The following ADAMTSL3 variants were observed in gnomAD, a reference collection of about 807,000 sequenced individuals.
ADAMTSL3 encodes the protein ADAMTS like 3.
Under a neutral mutation model 201.7 loss-of-function variants are expected in ADAMTSL3, and 128 were observed. That is an observed-to-expected ratio of 0.63 (90% CI 0.55 to 0.73). ADAMTSL3 has a LOEUF of 0.73. ADAMTSL3 is among the 30% of genes least tolerant of loss of function. The pLI is 0.00. For missense variants in ADAMTSL3, 1,990 were observed against 2,119.6 expected (o/e 0.94, Z 1.20); for synonymous variants, 738 against 748.4 (o/e 0.99, Z 0.23).
At chr15:83,991,470 G>C (rs2067581986) in intron 23 of ADAMTSL3, among the ~76,000 whole-genome samples, 1 of 152,206 alleles carries the variant, frequency 6.6e-6, no homozygotes, top group African/African-American at 2.4e-5. Flanking sequence ...ATGCACACTG[G>C]AATGTTCATA....
chr15:83,799,148 G>T (rs1447419435), intron 4 of ADAMTSL3, among the ~76,000 whole-genome samples: 3 of 152,148 alleles, frequency 2.0e-5, no homozygotes, highest in Admixed American at 6.5e-5. Context: ...AATATTGAAT[G>T]CTTGTGGTCA....
chr15:83,762,485 G>A (rs865801789), intron 3 of ADAMTSL3, among the ~76,000 whole-genome samples: 43 of 152,110 alleles, frequency 2.8e-4, no homozygotes, highest in African/African-American at 9.9e-4. Context: ...TCAAGGCACC[G>A]GCAGGTTTGG....
intron 17 of ADAMTSL3, among the ~76,000 whole-genome samples, chr15:83,929,358 T>G (rs918632006): frequency 6.6e-6 from 1 of 152,140 alleles, no homozygotes; most frequent in African/African-American, 2.4e-5. Flanking sequence ...TTCCATGGCT[T>G]TCTCCTGGCA....
At chr15:83,908,168 GGAT>G (rs1281807645) in intron 15 of ADAMTSL3, among the ~76,000 whole-genome samples, 1 of 152,228 alleles carries the variant, frequency 6.6e-6, no homozygotes, top group East Asian at 1.9e-4. Flanking sequence ...CTGTCATCCT[GGAT>G]GATGTTTAAG....
intron 3 of ADAMTSL3, among the ~76,000 whole-genome samples, chr15:83,755,800 C>A (rs1337060808): frequency 6.6e-6 from 1 of 151,630 alleles, no homozygotes; most frequent in African/African-American, 2.4e-5. Flanking sequence ...GTCGCCCAGG[C>A]TGGAGTGCAG....
At chr15:83,905,806 T>A (rs2065821130) in intron 15 of ADAMTSL3, among the ~76,000 whole-genome samples, 1 of 152,194 alleles carries the variant, frequency 6.6e-6, no homozygotes, top group Admixed American at 6.5e-5. Flanking sequence ...AAATTTCCTT[T>A]TAGAGAGAAA....
intron 17 of ADAMTSL3, among the ~76,000 whole-genome samples, chr15:83,926,501 TA>T (rs576503972): frequency 1.6e-3 from 238 of 152,330 alleles, no homozygotes; most frequent in African/African-American, 5.3e-3. Context: ...TATTTAAAAC[TA>T]GGGATCCAGC....
intron 13 of ADAMTSL3, among the ~76,000 whole-genome samples, chr15:83,893,791 C>T (rs1356950282): frequency 6.6e-6 from 1 of 152,112 alleles, no homozygotes; most frequent in Admixed American, 6.6e-5. Context: ...AAATAAAATG[C>T]AGCCGGATTA....
chr15:83,989,992 T>C (rs2141832544), intron 22 of ADAMTSL3, among the ~76,000 whole-genome samples: 2 of 152,344 alleles, frequency 1.3e-5, no homozygotes, highest in South Asian at 4.1e-4. Flanking sequence ...GTAAATAATG[T>C]TTTAAATAGG....
intron 5 of ADAMTSL3, among the ~76,000 whole-genome samples, chr15:83,814,622 C>A (rs563053231): frequency 1.3e-5 from 2 of 152,158 alleles, no homozygotes; most frequent in Non-Finnish European, 2.9e-5. Flanking sequence ...TGGCCACCAA[C>A]AATTTATTTT....
At chr15:83,918,981 G>A (rs893156577) in intron 16 of ADAMTSL3, among the ~76,000 whole-genome samples, 12 of 152,168 alleles carry the variant, frequency 7.9e-5, no homozygotes, top group Admixed American at 1.3e-4. Context: ...TGTCAGTGGA[G>A]TGGGTAAGCA....
chr15:83,996,780 C>CAAAAA (rs35758954), intron 23 of ADAMTSL3, among the ~76,000 whole-genome samples: 2 of 33,846 alleles, frequency 5.9e-5, no homozygotes, highest in African/African-American at 1.3e-4. Flanking sequence ...GACTCTGCCT[C>CAAAAA]AAAAAAAAAA....
chr15:83,744,376 A>AT (rs756461939), intron 3 of ADAMTSL3, among the ~76,000 whole-genome samples: 8 of 152,264 alleles, frequency 5.3e-5, no homozygotes, highest in Non-Finnish European at 1.0e-4. Flanking sequence ...GTAAAGTAGA[A>AT]TTTTCTATCT....
chr15:83,668,861 A>G (rs970819237), intron 2 of ADAMTSL3, among the ~76,000 whole-genome samples: 7 of 152,214 alleles, frequency 4.6e-5, no homozygotes, highest in Non-Finnish European at 1.0e-4. Flanking sequence ...TCCTTGGACC[A>G]AGAGACTAAC....
intron 4 of ADAMTSL3, 85 bp downstream of exon 4, chr15:83,773,735 T>A (rs1181775070): frequency 6.8e-7 from 1 of 1,472,828 alleles, no homozygotes; most frequent in Non-Finnish European, 9.1e-7. Context: ...TTTATATGGC[T>A]TTGGAATGTA....
At chr15:83,718,108 A>G (rs1007539171) in intron 3 of ADAMTSL3, among the ~76,000 whole-genome samples, 1 of 152,188 alleles carries the variant, frequency 6.6e-6, no homozygotes, top group Non-Finnish European at 1.5e-5. Context: ...ATCTTAAACA[A>G]AACCAAACCA....
chr15:83,852,659 G>C (rs910945976), intron 7 of ADAMTSL3, among the ~76,000 whole-genome samples: 7 of 151,998 alleles, frequency 4.6e-5, no homozygotes, highest in African/African-American at 1.7e-4. Context: ...CTGCTAATTT[G>C]TGTTTTTTTC....
intron 17 of ADAMTSL3, among the ~76,000 whole-genome samples, chr15:83,934,333 A>G (rs765428205): frequency 4.6e-5 from 7 of 152,204 alleles, no homozygotes; most frequent in Admixed American, 2.0e-4. Flanking sequence ...TTCGACTTGC[A>G]TGGGCCCTGT....
intron 27 of ADAMTSL3, among the ~76,000 whole-genome samples, chr15:84,029,323 G>A (rs113356275): frequency 0.022 from 3,396 of 152,288 alleles, 68 homozygotes; most frequent in Middle Eastern, 0.041. Flanking sequence ...ATGGTCTCAG[G>A]TGGAGATGAG....
Sources: allele counts gnomAD v4.1 joint callset (sites outside exome capture counted in the v4.1 genomes callset), GRCh38; gene constraint gnomAD v4.1.1; transcripts MANE v1.5; gene names NCBI Gene and HGNC (gene_info 2026-07-23, HGNC 2026-07-21).